PARD6G: variants seen among roughly 807,000 people sequenced by gnomAD.
PARD6G encodes the protein partitioning defective 6 homolog gamma.
Under a neutral mutation model 10.7 loss-of-function variants are expected in PARD6G, and 7 were observed. The ratio of observed to expected loss-of-function variants is 0.66; its 90% CI spans 0.37 to 1.23. PARD6G has a LOEUF of 1.23. Among genes scored for constraint, PARD6G ranks in the 50% most tolerant of loss-of-function variants. The probability of loss-of-function intolerance (pLI) is 0.02; values close to 1 mark genes in which losing one functional copy is unlikely to be tolerated. For synonymous variants in PARD6G, 287 were observed against 269.4 expected, an observed-to-expected ratio of 1.07 and a Z score of -0.64; for missense variants, 548 against 571.8, an observed-to-expected ratio of 0.96 and a Z score of 0.42.
chr18:80,213,549 GAA>G (rs1358581459), intron 1 of PARD6G, among the ~76,000 whole-genome samples: 1 of 152,184 alleles, frequency 6.6e-6, no homozygotes, highest in East Asian at 1.9e-4. Flanking sequence ...AGCAAAGATT[GAA>G]AGTCACACAT....
chr18:80,185,004 ACTTACC>A (rs757985783), intron 2 of PARD6G: 3 of 152,174 alleles, frequency 2.0e-5, no homozygotes, highest in Non-Finnish European at 4.4e-5. Flanking sequence ...AGTCCCATGA[ACTTACC>A]CTCCTAGGTG....
At chr18:80,245,130 G>A (rs1419828542) in intron 1 of PARD6G, among the ~76,000 whole-genome samples, 3 of 152,192 alleles carry the variant, frequency 2.0e-5, no homozygotes. Flanking sequence ...AAGTGGAGCT[G>A]GCAGAAGCAG....
Position 80,231,709 on chromosome 18 carries a change from C to T in PARD6G, c.72+15568G>A, listed in dbSNP as rs1485733096. ...TGTGTTCAATATAGGCCCTGGTGAG[C>T]GAGTGAGACTCCAGCCAATGGGAGC... On this transcript the variant is annotated intron_variant, in intron 1 of 2. Coordinates refer to ENST00000353265, the MANE Select transcript of PARD6G (RefSeq NM_032510.4). The surrounding 1 kb of genome is among the most constrained non-coding windows in gnomAD (Gnocchi z 4.2). Among the ~76,000 whole-genome samples the T allele has an allele frequency of 2.0e-5, 3 of 152,186 alleles. No homozygotes were observed. The highest frequency in any genetic ancestry group is 2.9e-5 in the Non-Finnish European group (2 of 68,012).
intron 2 of PARD6G, among the ~76,000 whole-genome samples, chr18:80,167,553 T>C (rs982489296): frequency 6.6e-6 from 1 of 152,064 alleles, no homozygotes; most frequent in Non-Finnish European, 1.5e-5. Flanking sequence ...CTCCACCATG[T>C]TTCCAGACAG....
At chr18:80,197,390 C>T (rs1198371356) in intron 2 of PARD6G, 3 of 152,188 alleles carry the variant, frequency 2.0e-5, no homozygotes, top group African/African-American at 7.2e-5. Flanking sequence ...GCAAAATACA[C>T]CCCATCGGGC....
At chr18:80,168,521 C>G (rs2052751601) in intron 2 of PARD6G, among the ~76,000 whole-genome samples, 1 of 151,562 alleles carries the variant, frequency 6.6e-6, no homozygotes, top group South Asian at 2.1e-4. Flanking sequence ...ATTTTTTAGG[C>G]AACTGTCTAA....
At chr18:80,164,265 C>T (rs1241693219) in intron 2 of PARD6G, among the ~76,000 whole-genome samples, 2 of 152,158 alleles carry the variant, frequency 1.3e-5, no homozygotes, top group African/African-American at 4.8e-5. Context: ...GCCCCACAGT[C>T]TTGAGTGGGC....
chr18:80,213,600 G>C (rs1967129556), intron 1 of PARD6G, among the ~76,000 whole-genome samples: 1 of 152,280 alleles, frequency 6.6e-6, no homozygotes, highest in East Asian at 1.9e-4. Context: ...GTCCAGGAAA[G>C]TCACTAAAAA....
At chr18:80,232,223 C>T (rs990428221) in intron 1 of PARD6G, among the ~76,000 whole-genome samples, 3 of 150,982 alleles carry the variant, frequency 2.0e-5, no homozygotes, top group African/African-American at 7.3e-5. Context: ...GTGGTGTCCA[C>T]ACCAGGGACT....
At chr18:80,217,484 A>T (rs1165119915) in intron 1 of PARD6G, among the ~76,000 whole-genome samples, 1 of 152,224 alleles carries the variant, frequency 6.6e-6, no homozygotes, top group Non-Finnish European at 1.5e-5. Context: ...TCAGCCAGGT[A>T]ACCAAGATCA....
chr18:80,213,117 G>A (rs190544834), intron 1 of PARD6G, among the ~76,000 whole-genome samples: 47 of 152,244 alleles, frequency 3.1e-4, no homozygotes, highest in African/African-American at 1.1e-3. Flanking sequence ...AGAACCTATC[G>A]ATGATAAGTG....
intron 2 of PARD6G, chr18:80,197,457 AAGAATGCCC>A (rs1168534969): frequency 6.6e-6 from 1 of 152,224 alleles, no homozygotes; most frequent in Non-Finnish European, 1.5e-5. Context: ...AGGAACCCAA[AAGAATGCCC>A]AGAATGCCAA....
chr18:80,160,637 C>T (rs1599840078), intron 2 of PARD6G, 31 bp from the exon 3 acceptor site: 1 of 1,431,878 alleles, frequency 7.0e-7, no homozygotes, highest in Non-Finnish European at 9.1e-7. Context: ...AGAGGGGACA[C>T]ACAACCGAGC....
At chr18:80,194,867 G>A (rs1292878098) in intron 2 of PARD6G, among the ~76,000 whole-genome samples, 1 of 152,190 alleles carries the variant, frequency 6.6e-6, no homozygotes, top group African/African-American at 2.4e-5. Context: ...GGGCTCAAGT[G>A]AGCCCCTCCG....
chr18:80,202,625 T>G, intron 2 of PARD6G, 85 bp downstream of exon 2: 1 of 1,175,986 alleles, frequency 8.5e-7, no homozygotes, highest in South Asian at 1.3e-5. Context: ...AACCACATAG[T>G]CCTGTAATGA....
At chr18:80,215,698 C>A (rs1170648191) in intron 1 of PARD6G, among the ~76,000 whole-genome samples, 1 of 151,748 alleles carries the variant, frequency 6.6e-6, no homozygotes, top group Non-Finnish European at 1.5e-5. Context: ...GAAAAGAAAG[C>A]AATAATGGAG....
At chr18:80,225,027 TGCTGGTTTCATCTTAAACTCAGTCA>T (rs1967276652) in intron 1 of PARD6G, among the ~76,000 whole-genome samples, 1 of 152,164 alleles carries the variant, frequency 6.6e-6, no homozygotes, top group Non-Finnish European at 1.5e-5. Flanking sequence ...CATAGTCCCC[TGCTGGTTTCATCTTAAACTCAGTCA>T]GCTACTAGTG....
intron 1 of PARD6G, among the ~76,000 whole-genome samples, chr18:80,221,532 C>G (rs889585930): frequency 2.0e-5 from 3 of 152,238 alleles, no homozygotes; most frequent in South Asian, 2.1e-4. Context: ...ACTCAACAAA[C>G]TAGGAATAGA....
chr18:80,165,206 A>G (rs1403185576), intron 2 of PARD6G, among the ~76,000 whole-genome samples: 2 of 152,234 alleles, frequency 1.3e-5, no homozygotes, highest in African/African-American at 4.8e-5. Flanking sequence ...TAAGACAGAC[A>G]TTCCCAGAGT....
Sources: allele counts gnomAD v4.1 joint callset (sites outside exome capture counted in the v4.1 genomes callset), GRCh38; gene constraint gnomAD v4.1.1; non-coding constraint Gnocchi (gnomAD v3.1); transcripts MANE v1.5; gene names NCBI Gene and HGNC (gene_info 2026-07-23, HGNC 2026-07-21).